CDKAL1: variants seen among roughly 807,000 people sequenced by gnomAD.
The protein encoded by CDKAL1 is threonylcarbamoyladenosine tRNA methylthiotransferase.
A neutral mutation model predicts 68.2 loss-of-function variants in CDKAL1; 32 were observed. That is an observed-to-expected ratio of 0.47 (90% confidence interval 0.35 to 0.63). The LOEUF is 0.63. Among genes scored for constraint, CDKAL1 ranks in the 30% least tolerant of loss-of-function variants. The probability of loss-of-function intolerance (pLI) is 0.00; values close to 1 mark genes in which losing one functional copy is unlikely to be tolerated. For synonymous variants in CDKAL1, 234 were observed against 244.3 expected (o/e 0.96, Z 0.39); for missense variants, 606 against 696.7 (o/e 0.87, Z 1.47).
At chr6:21,062,668 G>C (rs1383209653) in intron 11 of CDKAL1, among the ~76,000 whole-genome samples, 1 of 152,144 alleles carries the variant, frequency 6.6e-6, no homozygotes, top group East Asian at 1.9e-4. Flanking sequence ...AGCTAGGTGA[G>C]ACCAAGAATA....
chr6:20,824,556 C>T (rs1173680774), intron 8 of CDKAL1, among the ~76,000 whole-genome samples: 1 of 152,150 alleles, frequency 6.6e-6, no homozygotes, highest in Non-Finnish European at 1.5e-5. Flanking sequence ...TCAGAGGCCA[C>T]CCTTAGTTTC....
At chr6:20,775,202 G>T (rs1217451101) in intron 7 of CDKAL1, among the ~76,000 whole-genome samples, 1 of 151,958 alleles carries the variant, frequency 6.6e-6, no homozygotes, top group African/African-American at 2.4e-5. Flanking sequence ...ATTATCAGTT[G>T]ATCTTGTCAC....
At position 20,781,756 on chromosome 6, in the gene CDKAL1, ACAC is replaced by A. The variant is rs546853867; in HGVS notation, c.638+493_638+495del. Among the ~76,000 whole-genome samples, 248 of 152,346 alleles carry A rather than the reference ACAC, an allele frequency of 1.6e-3. 1 individual carries two copies. Among genetic ancestry groups the A allele is most frequent in the African/African-American group, 5.4e-3 (223 of 41,572 alleles). On this transcript the variant is annotated intron_variant, in intron 8 of 15. Transcript: ENST00000274695. ...AATATTAAGTACTCTTTTAATTTCC[ACAC>A]CTTGATTTAAAGTCCTTGATTATAA... is the stretch of plus-strand genomic sequence containing the variant.
intron 15 of CDKAL1, among the ~76,000 whole-genome samples, chr6:21,205,678 C>T (rs1480404045): frequency 6.6e-6 from 1 of 150,492 alleles, no homozygotes; most frequent in African/African-American, 2.5e-5. Flanking sequence ...CCACAGGAAC[C>T]CGCCACCACG....
intron 8 of CDKAL1, among the ~76,000 whole-genome samples, chr6:20,823,079 C>G (rs1376487938): frequency 6.6e-6 from 1 of 152,160 alleles, no homozygotes; most frequent in Non-Finnish European, 1.5e-5. Context: ...CTCTCTCTCT[C>G]TGTCTCTCTC....
At chr6:21,138,695 T>C (rs1775743464) in intron 13 of CDKAL1, among the ~76,000 whole-genome samples, 1 of 152,202 alleles carries the variant, frequency 6.6e-6, no homozygotes, top group African/African-American at 2.4e-5. Flanking sequence ...TTGGAAATGC[T>C]GAATTATTAA....
chr6:20,899,824 CA>C (rs988501097), intron 9 of CDKAL1, among the ~76,000 whole-genome samples: 73 of 152,304 alleles, frequency 4.8e-4, no homozygotes, highest in African/African-American at 1.7e-3. Flanking sequence ...ACCTGGGCGA[CA>C]GAGCGAAACT....
Position 21,084,605 on chromosome 6 carries a change from C to T in CDKAL1, c.1236+19377C>T, listed in dbSNP as rs540425863. 7.9e-5 allele frequency among the ~76,000 whole-genome samples: 12 copies of T among 152,290 alleles called. 1 individual carries two copies. The South Asian group carries it at 2.5e-3, about 32-fold the overall frequency. On this transcript the variant is annotated intron_variant, in intron 12 of 15. Coordinates refer to ENST00000274695, the MANE Select transcript of CDKAL1 (RefSeq NM_017774.3). ...TGGAGTAAAAAATATTTTCCATGTA[C>T]CTTACATTCCTTTACTGCCATTCCT...
At chr6:21,172,492 G>C (rs1777428980) in intron 13 of CDKAL1, among the ~76,000 whole-genome samples, 1 of 152,338 alleles carries the variant, frequency 6.6e-6, no homozygotes, top group East Asian at 1.9e-4. Context: ...GTTCACGCCT[G>C]TAATCCCAAC....
intron 13 of CDKAL1, 24 bp downstream of exon 13, chr6:21,108,487 TATTAAGTATTAA>T: frequency 6.8e-7 from 1 of 1,462,664 alleles, no homozygotes; most frequent in Non-Finnish European, 9.4e-7. Context: ...GTTAATAGCA[TATTAAGTATTAA>T]AGTCTTTCCG....
At chr6:20,772,767 A>G (rs374548791) in intron 7 of CDKAL1, 2 of 152,266 alleles carry the variant, frequency 1.3e-5, no homozygotes, top group East Asian at 3.9e-4. Context: ...ACTTTTTTGT[A>G]CAGCAGGAGT....
At chr6:20,636,555 T>G (rs1037327477) in intron 4 of CDKAL1, among the ~76,000 whole-genome samples, 1 of 152,150 alleles carries the variant, frequency 6.6e-6, no homozygotes, top group Non-Finnish European at 1.5e-5. Flanking sequence ...AAGTATAAAT[T>G]TGGCTATCAT....
chr6:20,799,193 C>T (rs897932860), intron 8 of CDKAL1, among the ~76,000 whole-genome samples: 10 of 151,704 alleles, frequency 6.6e-5, no homozygotes, highest in East Asian at 3.9e-4. Context: ...GCTGGGATTA[C>T]AGGCACGCAC....
At chr6:21,038,807 T>G (rs1053291209) in intron 11 of CDKAL1, among the ~76,000 whole-genome samples, 2 of 152,198 alleles carry the variant, frequency 1.3e-5, no homozygotes, top group African/African-American at 4.8e-5. Context: ...AAGGTTAATT[T>G]GAAAGATGAC....
intron 9 of CDKAL1, among the ~76,000 whole-genome samples, chr6:20,888,222 A>G (rs6938755): frequency 0.59 from 88,769 of 150,982 alleles, 26,821 homozygotes; most frequent in East Asian, 0.72. Flanking sequence ...GAGAATATGC[A>G]GTGTTTGGTT....
At chr6:20,706,073 G>A (rs931859969) in intron 5 of CDKAL1, among the ~76,000 whole-genome samples, 7 of 152,122 alleles carry the variant, frequency 4.6e-5, no homozygotes, top group Admixed American at 2.6e-4. Context: ...CCTTGACCAC[G>A]CATTTGGTCC....
intron 15 of CDKAL1, among the ~76,000 whole-genome samples, chr6:21,216,693 T>C (rs1779349349): frequency 6.6e-6 from 1 of 152,150 alleles, no homozygotes; most frequent in African/African-American, 2.4e-5. Flanking sequence ...CTTGGAGAGT[T>C]AATGTTTGCA....
At chr6:21,217,862 G>A (rs1484857265) in intron 15 of CDKAL1, among the ~76,000 whole-genome samples, 1 of 152,144 alleles carries the variant, frequency 6.6e-6, no homozygotes, top group African/African-American at 2.4e-5. Context: ...GCCTCCAGCA[G>A]TTCTCCTACT....
At chr6:20,910,450 C>T (rs927586621) in intron 9 of CDKAL1, among the ~76,000 whole-genome samples, 1 of 152,166 alleles carries the variant, frequency 6.6e-6, no homozygotes, top group African/African-American at 2.4e-5. Context: ...AACTGGGTGT[C>T]CTATCTGGCA....
Sources: gnomAD v4.1 joint callset for allele counts (sites outside exome capture counted in the v4.1 genomes callset) on GRCh38, gnomAD v4.1.1 for gene constraint, MANE v1.5 for transcripts, NCBI Gene and HGNC (gene_info 2026-07-23, HGNC 2026-07-21) for gene names.